ZNF705A: variants seen among roughly 807,000 people sequenced by gnomAD.
ZNF705A encodes the protein zinc finger protein 705A.
A neutral mutation model predicts 16.6 loss-of-function variants in ZNF705A; 8 were observed. The ratio of observed to expected loss-of-function variants is 0.48; its 90% CI spans 0.28 to 0.87. The LOEUF (loss-of-function observed/expected upper bound fraction) is 0.87. Among genes scored for constraint, ZNF705A ranks in the 40% least tolerant of loss-of-function variants. The probability of loss-of-function intolerance (pLI) is 0.10; values close to 1 mark genes in which losing one functional copy is unlikely to be tolerated. For missense variants in ZNF705A, 233 were observed against 359.9 expected, an observed-to-expected ratio of 0.65 and a Z score of 2.85; for synonymous variants, 73 against 117.3, an observed-to-expected ratio of 0.62 and a Z score of 2.44.
At chr12:8,162,404 C>T (rs776190051) in intron 1 of ZNF705A, among the ~76,000 whole-genome samples, 62 of 152,188 alleles carry the variant, frequency 4.1e-4, no homozygotes, top group Non-Finnish European at 7.8e-4. Context: ...TTGGGCAGAG[C>T]GAGGCCTCAT....
chr12:8,168,904 T>C (rs1374910861), upstream of ZNF705A: 1 of 152,224 alleles, frequency 6.6e-6, no homozygotes, highest in Non-Finnish European at 1.5e-5. Flanking sequence ...CTTAGATTAT[T>C]TTTTTAAAAT....
upstream of ZNF705A, among the ~76,000 whole-genome samples, chr12:8,170,184 TC>T (rs35676407): frequency 0.11 from 7,017 of 65,698 alleles, 354 homozygotes; most frequent in South Asian, 0.22. Context: ...AGCGAAACTC[TC>T]CCCCCCCCCC....
intron 1 of ZNF705A, among the ~76,000 whole-genome samples, chr12:8,164,332 T>C (rs989448242): frequency 3.3e-5 from 5 of 152,236 alleles, no homozygotes; most frequent in African/African-American, 9.7e-5. Context: ...TGAAATCATA[T>C]AGTAATTGTC....
At chr12:8,161,525 G>T (rs188294104) in intron 1 of ZNF705A, among the ~76,000 whole-genome samples, 242 of 152,138 alleles carry the variant, frequency 1.6e-3, no homozygotes, top group African/African-American at 5.0e-3. Context: ...TTTAAGCTAG[G>T]AGGGTTGTAT....
At position 8,163,913 on chromosome 12, in the gene ZNF705A, T is replaced by A. The variant is rs780794421; in HGVS notation, c.-72+6821T>A. On this transcript the variant is annotated intron_variant, in intron 1 of 5. Coordinates refer to the ZNF705A transcript ENST00000396570. Reference sequence around the variant, plus strand: ...TAACCAACCCCCTTCTTGTTTTTTTTAACCGACTTTGTTGAGCTATGATGA... The same window carrying A: ...TAACCAACCCCCTTCTTGTTTTTTTAAACCGACTTTGTTGAGCTATGATGA... Among the ~76,000 whole-genome samples the A allele has an allele frequency of 2.5e-4, 38 of 152,298 alleles. 1 individual carries two copies. The South Asian group carries it at 7.9e-3, about 32-fold the overall frequency.
chr12:8,177,732 G>C (rs1461516178), exon 5 of ZNF705A: 1 of 1,271,954 alleles, frequency 7.9e-7, no homozygotes, highest in East Asian at 2.5e-5. Context: ...GACTTTAGAT[G>C]ACACTGTGTT....
chr12:8,172,637 A>G, exon 1 of ZNF705A: 1 of 1,596,468 alleles, frequency 6.3e-7, no homozygotes. Flanking sequence ...TGCATTCACT[A>G]GTGAGTAGGG....
chr12:8,158,708 T>C (rs1053119473), intron 1 of ZNF705A, among the ~76,000 whole-genome samples: 20 of 152,174 alleles, frequency 1.3e-4, no homozygotes, highest in African/African-American at 4.3e-4. Context: ...TTTATAAATA[T>C]GCCAAACATC....
At chr12:8,164,371 A>G (rs11043697) in intron 1 of ZNF705A, among the ~76,000 whole-genome samples, 85,802 of 152,002 alleles carry the variant, frequency 0.56, 25,907 homozygotes, top group African/African-American at 0.79. Context: ...TTCATATAAC[A>G]TAATGCCCTC....
intron 1 of ZNF705A, among the ~76,000 whole-genome samples, chr12:8,172,856 T>A (rs1465823838): frequency 6.6e-6 from 1 of 152,216 alleles, no homozygotes; most frequent in Non-Finnish European, 1.5e-5. Flanking sequence ...TGGGGTATCG[T>A]GTGTCAAAGA....
intron 1 of ZNF705A, among the ~76,000 whole-genome samples, chr12:8,173,011 G>C (rs1948456715): frequency 6.6e-6 from 1 of 152,028 alleles, no homozygotes; most frequent in African/African-American, 2.4e-5. Context: ...GGAAATAATT[G>C]ACCCATTAAC....
exon 5 of ZNF705A, chr12:8,177,218 G>A (rs1396541390): frequency 6.2e-7 from 1 of 1,611,738 alleles, no homozygotes; most frequent in East Asian, 2.2e-5. Flanking sequence ...ATGTGAAAAG[G>A]CCTATACTAA....
At chr12:8,161,183 A>C (rs1035962539) in intron 1 of ZNF705A, among the ~76,000 whole-genome samples, 2 of 151,974 alleles carry the variant, frequency 1.3e-5, no homozygotes, top group Admixed American at 6.6e-5. Flanking sequence ...AACCCATTTG[A>C]TCATGGTTGG....
intron 1 of ZNF705A, among the ~76,000 whole-genome samples, chr12:8,173,806 T>G (rs888132892): frequency 2.6e-5 from 4 of 152,348 alleles, no homozygotes; most frequent in African/African-American, 9.6e-5. Context: ...ATTTGCTAGA[T>G]AGGAAACACG....
intron 1 of ZNF705A, among the ~76,000 whole-genome samples, chr12:8,163,964 G>C (rs1425659173): frequency 6.6e-6 from 1 of 151,884 alleles, no homozygotes; most frequent in South Asian, 2.1e-4. Context: ...AATATTTAAG[G>C]TGTGCATCTC....
At chr12:8,162,268 C>T (rs758155654) in intron 1 of ZNF705A, among the ~76,000 whole-genome samples, 5 of 152,284 alleles carry the variant, frequency 3.3e-5, no homozygotes, top group African/African-American at 1.2e-4. Flanking sequence ...TACCTAATGA[C>T]TGGTCTGGGC....
chr12:8,163,400 C>A (rs1308375241), intron 1 of ZNF705A, among the ~76,000 whole-genome samples: 1 of 152,034 alleles, frequency 6.6e-6, no homozygotes, highest in Non-Finnish European at 1.5e-5. Context: ...CACCAGCATA[C>A]AAATACATTG....
chr12:8,157,669 C>T (rs963337105), intron 1 of ZNF705A, among the ~76,000 whole-genome samples: 3 of 152,162 alleles, frequency 2.0e-5, no homozygotes, highest in African/African-American at 7.2e-5. Flanking sequence ...CTATCATGCT[C>T]ATTGCCTTCT....
chr12:8,178,354 T>G (rs1203998764), exon 5 of ZNF705A: 1 of 153,130 alleles, frequency 6.5e-6, no homozygotes, highest in Non-Finnish European at 1.5e-5. Flanking sequence ...AAATCCTTTC[T>G]TCATAGAGCA....
Sources: gnomAD v4.1 joint callset for allele counts (sites outside exome capture counted in the v4.1 genomes callset) on GRCh38, gnomAD v4.1.1 for gene constraint, MANE v1.5 for transcripts, NCBI Gene and HGNC (gene_info 2026-07-23, HGNC 2026-07-21) for gene names.